Variants in DGKB observed in about 807,000 individuals in gnomAD.
The protein encoded by DGKB is diacylglycerol kinase beta.
DGKB carries 67 observed loss-of-function variants against 114.3 expected under a neutral mutation model. The observed-to-expected ratio is 0.59, with a 90% CI of 0.48 to 0.72. The LOEUF (loss-of-function observed/expected upper bound fraction) is 0.72. Ranked by LOEUF, DGKB falls within the 30% of genes least tolerant of loss-of-function variation. The probability of loss-of-function intolerance (pLI) is 0.00; values close to 1 mark genes in which losing one functional copy is unlikely to be tolerated. For synonymous variants in DGKB, 398 were observed against 323.1 expected (o/e 1.23, Z -2.49); for missense variants, 907 against 975.2 (o/e 0.93, Z 0.93).
intron 9 of DGKB, among the ~76,000 whole-genome samples, chr7:14,688,791 A>G (rs1822174573): frequency 6.6e-6 from 1 of 151,730 alleles, no homozygotes; most frequent in Admixed American, 6.6e-5. Context: ...CTATTATCCT[A>G]GTGATTCTAA....
At chr7:14,398,355 T>C (rs1822562324) in intron 21 of DGKB, among the ~76,000 whole-genome samples, 1 of 152,052 alleles carries the variant, frequency 6.6e-6, no homozygotes, top group African/African-American at 2.4e-5. Flanking sequence ...ACAGACACTT[T>C]ATAATGAACA....
chr7:14,690,347 T>C (rs750403556), intron 9 of DGKB, among the ~76,000 whole-genome samples: 54 of 152,344 alleles, frequency 3.5e-4, no homozygotes, highest in Middle Eastern at 6.8e-3. Context: ...CTAAGGTCTG[T>C]TATCTGATCA....
At chr7:14,400,730 A>T (rs117943226) in intron 21 of DGKB, among the ~76,000 whole-genome samples, 1,634 of 143,680 alleles carry the variant, frequency 0.011, 14 homozygotes, top group South Asian at 0.02. Flanking sequence ...GTCTAGACGT[A>T]TCATGTTTGT....
intron 3 of DGKB, among the ~76,000 whole-genome samples, chr7:14,754,360 T>C (rs992820873): frequency 9.2e-5 from 14 of 152,202 alleles, no homozygotes; most frequent in African/African-American, 3.1e-4. Flanking sequence ...TAAAATATTT[T>C]AGAGGATTAA....
At chr7:14,855,367 A>G (rs970547875) in intron 1 of DGKB, among the ~76,000 whole-genome samples, 14 of 152,210 alleles carry the variant, frequency 9.2e-5, no homozygotes, top group African/African-American at 3.4e-4. Context: ...ATATAGTTTT[A>G]ATCTTGAGGT....
chr7:14,693,537 T>C (rs1823265470), intron 9 of DGKB, among the ~76,000 whole-genome samples: 1 of 151,260 alleles, frequency 6.6e-6, no homozygotes. Context: ...AGGAAAAACT[T>C]ACGTTTATTT....
intron 2 of DGKB, among the ~76,000 whole-genome samples, chr7:14,768,315 T>C (rs1179099773): frequency 6.6e-6 from 1 of 151,966 alleles, no homozygotes; most frequent in Non-Finnish European, 1.5e-5. Flanking sequence ...TTGAAGAATT[T>C]GCTTCCAGAT....
intron 1 of DGKB, among the ~76,000 whole-genome samples, chr7:14,842,969 A>G (rs1848141371): frequency 6.6e-6 from 1 of 152,210 alleles, no homozygotes; most frequent in Non-Finnish European, 1.5e-5. Flanking sequence ...GCACACTGGG[A>G]GGCTGAGGCA....
At chr7:14,291,222 A>G (rs1033412050) in intron 23 of DGKB, among the ~76,000 whole-genome samples, 1 of 152,052 alleles carries the variant, frequency 6.6e-6, no homozygotes, top group Non-Finnish European at 1.5e-5. Context: ...GCCAAGTACA[A>G]TGGCCATGAA....
intron 3 of DGKB, among the ~76,000 whole-genome samples, chr7:14,754,810 T>C (rs1834631805): frequency 6.6e-6 from 1 of 152,184 alleles, no homozygotes; most frequent in South Asian, 2.1e-4. Context: ...GTCATTAATA[T>C]GTATGTGTAC....
At chr7:14,208,029 G>A (rs930451125) in intron 23 of DGKB, among the ~76,000 whole-genome samples, 3 of 152,028 alleles carry the variant, frequency 2.0e-5, no homozygotes, top group Non-Finnish European at 4.4e-5. Context: ...AAGTTTTACA[G>A]TGATTAAATA....
chr7:14,695,863 G>C (rs1880546), intron 8 of DGKB, among the ~76,000 whole-genome samples: 7 of 151,840 alleles, frequency 4.6e-5, no homozygotes, highest in Non-Finnish European at 1.0e-4. Context: ...GTGTACATTT[G>C]TTTACAATGA....
chr7:14,459,398 A>G (rs1303576952), intron 21 of DGKB, among the ~76,000 whole-genome samples: 2 of 152,186 alleles, frequency 1.3e-5, no homozygotes, highest in Admixed American at 6.5e-5. Context: ...CAGTTTAGAG[A>G]AGAACATAAA....
intron 1 of DGKB, among the ~76,000 whole-genome samples, chr7:14,883,368 C>G (rs1216503848): frequency 1.3e-5 from 2 of 151,944 alleles, no homozygotes; most frequent in Non-Finnish European, 2.9e-5. Flanking sequence ...GGATGGAGCA[C>G]AGTGGTAATG....
At chr7:14,631,388 GAGA>G (rs1418857364) in intron 13 of DGKB, among the ~76,000 whole-genome samples, 7 of 152,032 alleles carry the variant, frequency 4.6e-5, no homozygotes, top group Non-Finnish European at 1.0e-4. Context: ...GACACAGAAG[GAGA>G]AGAAGAGGTC....
intron 21 of DGKB, among the ~76,000 whole-genome samples, chr7:14,346,551 G>A (rs1812515947): frequency 6.6e-6 from 1 of 151,882 alleles, no homozygotes. Flanking sequence ...TAGGATTCTA[G>A]CACCATGAAT....
chr7:14,476,661 CA>C, intron 21 of DGKB, among the ~76,000 whole-genome samples: 1 of 151,060 alleles, frequency 6.6e-6, no homozygotes, highest in East Asian at 1.9e-4. Flanking sequence ...AAGAAAAAAG[CA>C]AATCATAAGG....
At chr7:14,619,429 A>G (rs934353420) in intron 15 of DGKB, among the ~76,000 whole-genome samples, 4 of 151,658 alleles carry the variant, frequency 2.6e-5, no homozygotes, top group Non-Finnish European at 5.9e-5. Context: ...TAGGTTTAAA[A>G]CCTTTAAAAC....
At position 14,821,256 on chromosome 7, in the gene DGKB, C is replaced by T. The variant is rs547634061; in HGVS notation, c.70+19938G>A. 1.3e-4 allele frequency among the ~76,000 whole-genome samples: 20 copies of T among 152,186 alleles called. No homozygotes were observed. The South Asian group carries it at 3.7e-3, about 28-fold the overall frequency. ...GTGACATTGATTCATTTGACCCATA[C>T]TTATTGAGTGCCTATTATATATTAA... On this transcript the variant is annotated intron_variant, in intron 2 of 25. Coordinates refer to ENST00000402815, the MANE Select transcript of DGKB (RefSeq NM_001350709.2).
Sources: allele counts gnomAD v4.1 joint callset (sites outside exome capture counted in the v4.1 genomes callset), GRCh38; gene constraint gnomAD v4.1.1; transcripts MANE v1.5; gene names NCBI Gene and HGNC (gene_info 2026-07-23, HGNC 2026-07-21).